NTF3: variants seen among roughly 807,000 people sequenced by gnomAD.
The protein encoded by NTF3 is neurotrophin-3.
NTF3 carries 8 observed loss-of-function variants against 26.3 expected under a neutral mutation model. The observed-to-expected ratio is 0.30, with a 90% CI of 0.18 to 0.55. NTF3 has a LOEUF of 0.55. NTF3 is among the 20% of genes least tolerant of loss of function. The probability of loss-of-function intolerance (pLI) is 0.93; values close to 1 mark genes in which losing one functional copy is unlikely to be tolerated. For missense variants in NTF3, 276 were observed against 352.9 expected, an observed-to-expected ratio of 0.78 and a Z score of 1.75; for synonymous variants, 154 against 145.5, an observed-to-expected ratio of 1.06 and a Z score of -0.42.
intron 1 of NTF3, among the ~76,000 whole-genome samples, chr12:5,481,593 C>CCACA (rs1252762740): frequency 8.8e-6 from 1 of 113,492 alleles, no homozygotes; most frequent in African/African-American, 3.5e-5. Context: ...CAGAATAACA[C>CCACA]CACACACACA....
chr12:5,450,796 T>A (rs1940363072), intron 1 of NTF3, among the ~76,000 whole-genome samples: 1 of 152,250 alleles, frequency 6.6e-6, no homozygotes, highest in Non-Finnish European at 1.5e-5. Flanking sequence ...CTTGTTTTTC[T>A]AATGTATGAT....
At chr12:5,477,288 C>T (rs999466334) in intron 1 of NTF3, among the ~76,000 whole-genome samples, 1 of 152,108 alleles carries the variant, frequency 6.6e-6, no homozygotes, top group Admixed American at 6.6e-5. Context: ...GCAGGCTATC[C>T]TTATTTATGA....
chr12:5,482,276 C>A (rs889996144), intron 1 of NTF3, among the ~76,000 whole-genome samples: 4 of 152,238 alleles, frequency 2.6e-5, no homozygotes, highest in African/African-American at 9.6e-5. Context: ...GTGCCAGGCA[C>A]TGCCACCCCT....
chr12:5,471,171 T>A (rs971965136), intron 1 of NTF3, among the ~76,000 whole-genome samples: 3 of 152,086 alleles, frequency 2.0e-5, no homozygotes, highest in South Asian at 2.1e-4. Flanking sequence ...ATTCCTCTGG[T>A]TTTTTAGACT....
chr12:5,454,206 C>T (rs553931391), intron 1 of NTF3, among the ~76,000 whole-genome samples: 1 of 152,340 alleles, frequency 6.6e-6, no homozygotes, highest in East Asian at 1.9e-4. Context: ...CTCCTAGCCT[C>T]TGGTAGCCTC....
intron 1 of NTF3, among the ~76,000 whole-genome samples, chr12:5,449,434 T>G (rs1375941105): frequency 6.6e-6 from 1 of 152,234 alleles, no homozygotes; most frequent in African/African-American, 2.4e-5. Context: ...AACACTGTGC[T>G]TCATCTCTTG....
intron 1 of NTF3, among the ~76,000 whole-genome samples, chr12:5,493,167 G>A (rs1041356175): frequency 5.3e-5 from 8 of 152,192 alleles, no homozygotes; most frequent in Admixed American, 3.9e-4. Context: ...GCTCTAGTGA[G>A]GGAGAGACTA....
intron 1 of NTF3, among the ~76,000 whole-genome samples, chr12:5,469,116 G>A (rs1940631703): frequency 6.6e-6 from 1 of 150,892 alleles, no homozygotes; most frequent in African/African-American, 2.4e-5. Flanking sequence ...GTGAGATCCT[G>A]TCTCAAAAAA....
intron 1 of NTF3, among the ~76,000 whole-genome samples, chr12:5,467,102 C>T (rs1009572962): frequency 3.3e-5 from 5 of 151,640 alleles, no homozygotes; most frequent in African/African-American, 9.7e-5. Context: ...TACTGGCAGG[C>T]GCCGGTAATC....
chr12:5,473,273 G>A (rs1339727584), intron 1 of NTF3, among the ~76,000 whole-genome samples: 2 of 152,154 alleles, frequency 1.3e-5, no homozygotes, highest in Admixed American at 1.3e-4. Context: ...CTTGTGCTAG[G>A]ACCGCATGAG....
chr12:5,470,923 A>G (rs1359745434), intron 1 of NTF3, among the ~76,000 whole-genome samples: 2 of 152,196 alleles, frequency 1.3e-5, no homozygotes, highest in Non-Finnish European at 1.5e-5. Flanking sequence ...TATGTCTCTC[A>G]GCCACTGATA....
At chr12:5,480,935 C>T (rs1213467873) in intron 1 of NTF3, among the ~76,000 whole-genome samples, 2 of 152,106 alleles carry the variant, frequency 1.3e-5, no homozygotes, top group Admixed American at 1.3e-4. Flanking sequence ...TTCCATCTCA[C>T]GGCTTCTCCC....
At chr12:5,436,043 C>A (rs1940163998) in intron 1 of NTF3, among the ~76,000 whole-genome samples, 1 of 152,142 alleles carries the variant, frequency 6.6e-6, no homozygotes, top group South Asian at 2.1e-4. Context: ...AAAAGAAGGG[C>A]CGTAGACTTT....
upstream of NTF3, among the ~76,000 whole-genome samples, chr12:5,430,664 TC>T (rs993685235): frequency 5.4e-4 from 81 of 151,288 alleles, 1 homozygote; most frequent in African/African-American, 1.9e-3. Flanking sequence ...TGGGTGCAGT[TC>T]CGATGTTTAA....
At position 5,432,176 on chromosome 12, in the gene NTF3, A is replaced by C; in HGVS notation, c.-149A>C. ...CCGCCCCGCGACGCAGCCCGGCGCA[A>C]CTACTTTCTTCTCTCTCCTTTCTTT... is the stretch of plus-strand genomic sequence containing the variant. On this transcript the variant is annotated 5_prime_UTR_variant, in exon 1 of 2. Transcript: ENST00000423158. The C allele has an allele frequency of 2.2e-6, 2 of 911,900 alleles. No individual in the cohort carries two copies. The highest frequency in any genetic ancestry group is 1.6e-5 in the African/African-American group (1 of 61,388). The allele number at this position is 911,900 out of a possible 1,614,324, so 56.5% of individuals were successfully genotyped here.
chr12:5,488,736 G>A (rs1370721546), intron 1 of NTF3, among the ~76,000 whole-genome samples: 2 of 152,120 alleles, frequency 1.3e-5, no homozygotes, highest in Non-Finnish European at 2.9e-5. Flanking sequence ...AGGGTTATCT[G>A]GCAGGATGTC....
At chr12:5,460,954 C>T (rs1398444765) in intron 1 of NTF3, among the ~76,000 whole-genome samples, 4 of 152,166 alleles carry the variant, frequency 2.6e-5, no homozygotes, top group Non-Finnish European at 4.4e-5. Context: ...GTGGTGTTAG[C>T]AGTTCTTTTC....
rs1406565227 is a variant in NTF3 at position 5,456,471 on chromosome 12, C to T, written c.18+24129C>T. ...CCAGCCAAGAGTACTTAATCCATCC[C>T]CACTTGTGGGGCCAACGGCACCTAA... is the stretch of plus-strand genomic sequence containing the variant. On this transcript the variant is annotated intron_variant, in intron 1 of 1. Transcript: ENST00000423158. The surrounding 1 kb of genome is among the most constrained non-coding windows in gnomAD (Gnocchi z 4.4). Among the ~76,000 whole-genome samples the T allele has an allele frequency of 6.6e-6, 1 of 152,166 alleles. No homozygotes were observed. The highest frequency in any genetic ancestry group is 1.5e-5 in the Non-Finnish European group (1 of 68,024).
chr12:5,466,514 G>T (rs1940591172), intron 1 of NTF3, among the ~76,000 whole-genome samples: 1 of 152,120 alleles, frequency 6.6e-6, no homozygotes, highest in South Asian at 2.1e-4. Flanking sequence ...TTTTGATCCA[G>T]ACTTTCCTAG....
Sources: allele counts gnomAD v4.1 joint callset (sites outside exome capture counted in the v4.1 genomes callset), GRCh38; gene constraint gnomAD v4.1.1; non-coding constraint Gnocchi (gnomAD v3.1); transcripts MANE v1.5; gene names NCBI Gene and HGNC (gene_info 2026-07-23, HGNC 2026-07-21).